USP31: variants seen among roughly 807,000 people sequenced by gnomAD.
USP31 encodes the protein ubiquitin specific peptidase 31, also known as ubiquitin carboxyl-terminal hydrolase 31.
A neutral mutation model predicts 119.4 loss-of-function variants in USP31; 44 were observed. The ratio of observed to expected loss-of-function variants is 0.37; its 90% CI spans 0.29 to 0.47. The LOEUF (loss-of-function observed/expected upper bound fraction) is 0.47, where lower values mean the gene tolerates loss of function less well. Ranked by LOEUF, USP31 falls within the 20% of genes least tolerant of loss-of-function variation. USP31 has a pLI of 0.99. For synonymous variants in USP31, 749 were observed against 705.6 expected, an observed-to-expected ratio of 1.06 and a Z score of -0.97; for missense variants, 1,643 against 1,730.2, an observed-to-expected ratio of 0.95 and a Z score of 0.89.
intron 1 of USP31, among the ~76,000 whole-genome samples, chr16:23,121,450 A>AGGCCT (rs1251762723): frequency 3.9e-5 from 6 of 152,210 alleles, no homozygotes; most frequent in Non-Finnish European, 8.8e-5. Flanking sequence ...TTCCCAGCCT[A>AGGCCT]GGCCTGGCCT....
chr16:23,067,712 C>G lies in USP31; in HGVS notation c.*334G>C, dbSNP rs1023505993. ...TTTTCTGGTTCACAGGTTTCAAAAC[C>G]CTCATATCCAAAGAAAGTCATTAGA... On this transcript the variant is annotated 3_prime_UTR_variant, in exon 16 of 16. Coordinates refer to ENST00000219689, the MANE Select transcript of USP31 (RefSeq NM_020718.4). 1 of 184,672 alleles carries G rather than the reference C, an allele frequency of 5.4e-6. No homozygotes were observed. The highest frequency in any genetic ancestry group is 2.4e-5 in the African/African-American group (1 of 42,188). 11.4% of individuals were successfully genotyped at this position (184,672 alleles called of 1,614,324 possible).
intron 5 of USP31, among the ~76,000 whole-genome samples, chr16:23,103,552 G>A (rs1179503477): frequency 6.6e-6 from 1 of 152,026 alleles, no homozygotes; most frequent in Non-Finnish European, 1.5e-5. Context: ...GTAACCCTTC[G>A]CATTAAGATA....
In USP31 at chr16:23,084,882, T is replaced by A. The variant is rs1360994502; in HGVS notation, c.1808A>T (p.Gln603Leu). Residue 603 changes from glutamine to leucine, a missense_variant, in exon 11 of 16, where the codon CAA becomes CTA. Coordinates refer to ENST00000219689, the MANE Select transcript of USP31 (RefSeq NM_020718.4). ...PQTCTLSQCF[Q>L]LYTKEERLAP... ...TACCCGCTCCTCTTTGGTGTACAGT[T>A]GGAAACACTGGGATAAAGTGCAGGT... 5 of 1,613,972 alleles carry A rather than the reference T, an allele frequency of 3.1e-6. No homozygotes were observed. The highest frequency in any genetic ancestry group is 4.2e-6 in the Non-Finnish European group (5 of 1,180,002).
At chr16:23,127,374 G>A (rs529570873) in intron 1 of USP31, among the ~76,000 whole-genome samples, 12 of 151,996 alleles carry the variant, frequency 7.9e-5, no homozygotes, top group South Asian at 4.2e-4. Context: ...AGCTATGATC[G>A]CATCACTGAA....
Position 23,069,008 on chromosome 16 carries a change from A to T in USP31, c.3097T>A (p.Ser1033Thr). ...TKRSPSSKGT[S>T]EPEKSLRKGR... is the part of the protein sequence containing the mutation. ...TTCCGCAAGCTTTTCTCTGGCTCAG[A>T]AGTGCCTTTGGAACTGGGGGATCTC... The change falls in exon 16 of 16, where the codon TCT (serine) becomes ACT (threonine). Residue 1033 changes from serine to threonine, a missense_variant. This residue lies in a region of USP31 where 699 missense variants were observed against 650.9 expected (regional missense o/e 1.07). Transcript: ENST00000219689. 1 of 1,613,936 alleles carries T rather than the reference A, an allele frequency of 6.2e-7. No individual in the cohort carries two copies. Among genetic ancestry groups the T allele is most frequent in the Admixed American group, 1.7e-5 (1 of 60,026 alleles).
intron 2 of USP31, among the ~76,000 whole-genome samples, chr16:23,107,426 A>G (rs773920179): frequency 3.9e-5 from 6 of 152,242 alleles, no homozygotes; most frequent in African/African-American, 9.6e-5. Context: ...TTGAATCAGA[A>G]TAATTTAAAA....
chr16:23,123,371 C>T (rs1214820527), intron 1 of USP31, among the ~76,000 whole-genome samples: 2 of 151,998 alleles, frequency 1.3e-5, no homozygotes, highest in East Asian at 3.9e-4. Flanking sequence ...AACCCTGTCT[C>T]TACTAAAAAT....
chr16:23,101,993 A>C (rs901983289), intron 6 of USP31, among the ~76,000 whole-genome samples: 14 of 150,424 alleles, frequency 9.3e-5, no homozygotes, highest in Non-Finnish European at 1.9e-4. Context: ...AAAAAAAAAA[A>C]AACCTATGGC....
chr16:23,143,590 G>GC (rs1054244487), intron 1 of USP31, among the ~76,000 whole-genome samples: 4 of 150,670 alleles, frequency 2.7e-5, no homozygotes, highest in Non-Finnish European at 5.9e-5. Context: ...GAGGTTGGGG[G>GC]GGGGGAGAGA....
At position 23,062,371 on chromosome 16, in the gene USP31, T is replaced by TTG. The variant is rs1555462431; in HGVS notation, c.*5674_*5675insCA. ...AACACGAAAAAATAGCAATAAGGGT[T>TTG]TTTTTTTTTTAAAAAAAAGACACCA... On this transcript the variant is annotated 3_prime_UTR_variant, in exon 16 of 16. Coordinates refer to ENST00000219689, the MANE Select transcript of USP31 (RefSeq NM_020718.4). The TTG allele has an allele frequency of 1.5e-5, 2 of 137,564 alleles. No homozygotes were observed. The highest frequency in any genetic ancestry group is 3.3e-5 in the Non-Finnish European group (2 of 61,142). 8.5% of individuals were successfully genotyped at this position (137,564 alleles called of 1,614,324 possible).
chr16:23,068,488 G>T lies in USP31; in HGVS notation c.3617C>A (p.Ser1206Tyr). 2 of 1,613,476 alleles carry T rather than the reference G, an allele frequency of 1.2e-6. No individual in the cohort carries two copies. Among genetic ancestry groups the T allele is most frequent in the Non-Finnish European group, 1.7e-6 (2 of 1,179,584 alleles). The change falls in exon 16 of 16, where the codon TCC (serine) becomes TAC (tyrosine). Residue 1206 changes from serine (S) to tyrosine (Y), a missense_variant. By Grantham distance (144) the Ser-to-Tyr change is moderately radical. This residue lies in a region of USP31 where 699 missense variants were observed against 650.9 expected (regional missense o/e 1.07). Coordinates refer to ENST00000219689, the MANE Select transcript of USP31 (RefSeq NM_020718.4). ...ACCAGACTTGATGCTTGTGCTGGGG[G>T]AGCGCAGGCTGGCCATGGAGGAGCT... ...VRSSSMASLR[S>Y]PSTSIKSGLK...
intron 1 of USP31, among the ~76,000 whole-genome samples, chr16:23,133,035 ATGAAGCATG>A (rs1407649539): frequency 6.6e-6 from 1 of 152,230 alleles, no homozygotes; most frequent in African/African-American, 2.4e-5. Flanking sequence ...CCAATCCACT[ATGAAGCATG>A]TGACTGCCCC....
Position 23,062,974 on chromosome 16 carries a change from T to C in USP31, c.*5072A>G, listed in dbSNP as rs1357461808. On this transcript the variant is annotated 3_prime_UTR_variant, in exon 16 of 16. Coordinates refer to ENST00000219689, the MANE Select transcript of USP31 (RefSeq NM_020718.4). ...ACGTATCATAGTGGTTCTCAATCTG[T>C]CTGCAAATTAGAAACACCCAGAAGC... 1 of 152,646 alleles carries C rather than the reference T, an allele frequency of 6.6e-6. No individual in the cohort carries two copies. Among genetic ancestry groups the C allele is most frequent in the East Asian group, 1.9e-4 (1 of 5,200 alleles). The allele number at this position is 152,646 out of a possible 1,614,324, so 9.5% of individuals were successfully genotyped here.
At chr16:23,086,378 T>C (rs1038693199) in intron 9 of USP31, among the ~76,000 whole-genome samples, 1 of 151,924 alleles carries the variant, frequency 6.6e-6, no homozygotes, top group African/African-American at 2.4e-5. Flanking sequence ...TTCACATGTA[T>C]ATTATATATT....
At chr16:23,080,851 A>G (rs149986616) in intron 12 of USP31, among the ~76,000 whole-genome samples, 2,179 of 152,300 alleles carry the variant, frequency 0.014, 26 homozygotes, top group African/African-American at 0.032. Context: ...AATGTTCATG[A>G]GAGAAAGGGA....
At chr16:23,101,970 T>TA (rs34773118) in intron 6 of USP31, among the ~76,000 whole-genome samples, 12,123 of 85,276 alleles carry the variant, frequency 0.14, 691 homozygotes, top group Non-Finnish European at 0.18. Context: ...TAGCAAAATT[T>TA]AAAAAAAAAA....
At chr16:23,075,644 T>G (rs36044995) in intron 13 of USP31, among the ~76,000 whole-genome samples, 34,952 of 152,134 alleles carry the variant, frequency 0.23, 4,795 homozygotes, top group Admixed American at 0.31. Flanking sequence ...CACTAGTTGA[T>G]AAAGGATTGG....
chr16:23,099,504 A>G (rs932270793), intron 6 of USP31, among the ~76,000 whole-genome samples: 3 of 152,214 alleles, frequency 2.0e-5, no homozygotes, highest in Non-Finnish European at 4.4e-5. Context: ...ATGCTACTAA[A>G]AAGACACATG....
In USP31 at chr16:23,067,283, G is replaced by A. The variant is rs1180688206; in HGVS notation, c.*763C>T. The A allele has an allele frequency of 6.6e-6, 1 of 152,612 alleles. No homozygotes were observed. The highest frequency in any genetic ancestry group is 2.4e-5 in the African/African-American group (1 of 41,436). 9.5% of individuals were successfully genotyped at this position (152,612 alleles called of 1,614,324 possible). ...GGCTATCCAATCTGCCACTTCCTAG[G>A]ACCTATCCCAAGAGTCAAGACAGGT... On this transcript the variant is annotated 3_prime_UTR_variant, in exon 16 of 16. Transcript: ENST00000219689.
Sources: allele counts gnomAD v4.1 joint callset (sites outside exome capture counted in the v4.1 genomes callset), GRCh38; gene constraint gnomAD v4.1.1; regional missense constraint gnomAD v4.1.1; transcripts MANE v1.5; gene names NCBI Gene and HGNC (gene_info 2026-07-23, HGNC 2026-07-21).